Variants in NR5A2 observed in about 807,000 individuals in gnomAD.
NR5A2 encodes the protein CYP7A promoter-binding factor.
In NR5A2, 26 loss-of-function variants were observed where a neutral mutation model predicts 62.7. That is an observed-to-expected ratio of 0.41 (90% confidence interval 0.30 to 0.58). NR5A2 has a LOEUF of 0.58. NR5A2 is among the 20% of genes least tolerant of loss of function. NR5A2 has a pLI of 0.22. For missense variants in NR5A2, 541 were observed against 669.1 expected (o/e 0.81, Z 2.11); for synonymous variants, 246 against 241.7 (o/e 1.02, Z -0.16).
chr1:200,137,509 C>T (rs1241471926), intron 7 of NR5A2, among the ~76,000 whole-genome samples: 2 of 151,994 alleles, frequency 1.3e-5, no homozygotes, highest in African/African-American at 4.8e-5. Flanking sequence ...TGTCTAAATT[C>T]CTATCCTCTT....
chr1:200,066,588 C>CTTTTTTTTTTTTTTTTTTTTTTTT (rs756874909), intron 5 of NR5A2, among the ~76,000 whole-genome samples: 3 of 113,144 alleles, frequency 2.7e-5, no homozygotes, highest in Middle Eastern at 5.1e-3. Context: ...AATTAATTAT[C>CTTTTTTTTTTTTTTTTTTTTTTTT]TTTTTTTTTT....
chr1:200,150,889 G>T (rs891124241), intron 7 of NR5A2, among the ~76,000 whole-genome samples: 1 of 152,138 alleles, frequency 6.6e-6, no homozygotes, highest in Non-Finnish European at 1.5e-5. Context: ...CAGCCTAATC[G>T]CCTCTTCACT....
At chr1:200,031,351 AAAAT>A (rs1235953165) in intron 1 of NR5A2, among the ~76,000 whole-genome samples, 2 of 152,150 alleles carry the variant, frequency 1.3e-5, no homozygotes, top group African/African-American at 2.4e-5. Context: ...AAAAAATAAA[AAAAT>A]AAATAATTAG....
chr1:200,048,849 C>G lies in NR5A2; in HGVS notation c.1110+31C>G. On this transcript the variant is annotated intron_variant, in intron 5 of 7. Coordinates refer to ENST00000367362, the MANE Select transcript of NR5A2 (RefSeq NM_205860.3). This position sits in a 1 kb window ranked among gnomAD's most constrained non-coding sequence, Gnocchi z 4.8. ...CCACCAGCTATTACAACTTACAGCA[C>G]CCCTTTTAAGAGAGACCTAACTATG... 1.2e-6 allele frequency: 2 copies of G among 1,608,770 alleles called. No homozygotes were observed. Among genetic ancestry groups the G allele is most frequent in the South Asian group, 2.2e-5 (2 of 90,906 alleles).
At chr1:200,035,970 C>T (rs555281237) in intron 1 of NR5A2, among the ~76,000 whole-genome samples, 1 of 152,270 alleles carries the variant, frequency 6.6e-6, no homozygotes, top group Admixed American at 6.5e-5. Flanking sequence ...CTGGTCTCCG[C>T]CACCAGTTAC....
At chr1:200,088,120 G>T (rs1015276773) in intron 5 of NR5A2, among the ~76,000 whole-genome samples, 1 of 152,164 alleles carries the variant, frequency 6.6e-6, no homozygotes, top group African/African-American at 2.4e-5. Flanking sequence ...GCCCAGGCTG[G>T]TCTTGAACTC....
At position 200,169,461 on chromosome 1, in the gene NR5A2, G is replaced by C. The variant is rs537308753; in HGVS notation, c.1379-4502G>C. On this transcript the variant is annotated intron_variant, in intron 7 of 7. Coordinates refer to ENST00000367362, the MANE Select transcript of NR5A2 (RefSeq NM_205860.3). The stretch of plus-strand genomic sequence containing the variant: ...CAAGGTTTATAGGCTGCACCATTAT[G>C]GCAGCTACCAGGGAGGCAGAGAAGA... 3.3e-5 allele frequency among the ~76,000 whole-genome samples: 5 copies of C among 152,284 alleles called. No individual in the cohort carries two copies. In the South Asian group the frequency reaches 1.0e-3, roughly 32 times the overall value.
chr1:200,053,147 C>T (rs1662736298), intron 5 of NR5A2, among the ~76,000 whole-genome samples: 1 of 152,102 alleles, frequency 6.6e-6, no homozygotes, highest in Non-Finnish European at 1.5e-5. Flanking sequence ...TACAACTCCC[C>T]AACTCTCATA....
intron 1 of NR5A2, chr1:200,029,181 A>C (rs541261289): frequency 1.9e-5 from 7 of 377,230 alleles, no homozygotes; most frequent in South Asian, 1.3e-4. Flanking sequence ...CCGGGGCCGC[A>C]GCTAGAGCGC....
chr1:200,173,862 T>A, intron 7 of NR5A2, 101 bp from the exon 8 acceptor site: 1 of 1,239,798 alleles, frequency 8.1e-7, no homozygotes, highest in Non-Finnish European at 1.1e-6. Flanking sequence ...TATGTTTATG[T>A]CAAAAGGAAA....
chr1:200,089,411 C>T (rs1212888871), intron 5 of NR5A2, among the ~76,000 whole-genome samples: 7 of 152,106 alleles, frequency 4.6e-5, no homozygotes, highest in Non-Finnish European at 1.0e-4. Flanking sequence ...TCCGCCTCAG[C>T]CTCCCAAAAT....
intron 5 of NR5A2, among the ~76,000 whole-genome samples, chr1:200,068,191 G>A (rs917421461): frequency 7.9e-5 from 12 of 152,106 alleles, no homozygotes; most frequent in Admixed American, 3.3e-4. Context: ...TTCTATAGTA[G>A]CACAAGAATC....
Position 200,175,977 on chromosome 1 carries a change from C to T in NR5A2, c.*1767C>T, listed in dbSNP as rs998482051. 1 of 152,544 alleles carries T rather than the reference C, an allele frequency of 6.6e-6. No individual in the cohort carries two copies. Among genetic ancestry groups the T allele is most frequent in the Non-Finnish European group, 1.5e-5 (1 of 68,008 alleles). 9.4% of individuals were successfully genotyped at this position (152,544 alleles called of 1,614,324 possible). ...GCTAATTTATTGTTTCTTGGTTTCA[C>T]CTTTGTATAAGATATAGCCAAGACT... On this transcript the variant is annotated 3_prime_UTR_variant, in exon 8 of 8. Coordinates refer to ENST00000367362, the MANE Select transcript of NR5A2 (RefSeq NM_205860.3).
intron 3 of NR5A2, 97 bp from the exon 4 acceptor site, chr1:200,045,338 AAATAGTGC>A (rs1195649357): frequency 2.0e-6 from 2 of 1,020,112 alleles, no homozygotes; most frequent in East Asian, 5.4e-5. Context: ...ATAAGGGCTC[AAATAGTGC>A]AATGAGAGGA....
chr1:200,124,757 A>G (rs1666630026), intron 7 of NR5A2, among the ~76,000 whole-genome samples: 1 of 152,066 alleles, frequency 6.6e-6, no homozygotes, highest in Admixed American at 6.6e-5. Flanking sequence ...TGGGCAACAT[A>G]GGGAGACCCC....
intron 5 of NR5A2, among the ~76,000 whole-genome samples, chr1:200,098,460 T>C (rs1665202707): frequency 6.6e-6 from 1 of 152,246 alleles, no homozygotes; most frequent in Admixed American, 6.5e-5. Flanking sequence ...GGCAATATTA[T>C]ATTTTAAAAA....
At chr1:200,124,622 C>T (rs1162520321) in intron 7 of NR5A2, among the ~76,000 whole-genome samples, 1 of 152,144 alleles carries the variant, frequency 6.6e-6, no homozygotes, top group African/African-American at 2.4e-5. Flanking sequence ...ATAGTAGGGA[C>T]TTACAAAATG....
At chr1:200,071,966 A>G (rs1663757439) in intron 5 of NR5A2, among the ~76,000 whole-genome samples, 1 of 152,208 alleles carries the variant, frequency 6.6e-6, no homozygotes, top group African/African-American at 2.4e-5. Flanking sequence ...TAAAGAACAG[A>G]TAGATATGGA....
intron 5 of NR5A2, among the ~76,000 whole-genome samples, chr1:200,086,398 G>T (rs1435433226): frequency 6.6e-6 from 1 of 152,062 alleles, no homozygotes; most frequent in African/African-American, 2.4e-5. Context: ...CTGCCTCCTG[G>T]GTTCAAGCTA....
Sources: gnomAD v4.1 joint callset for allele counts (sites outside exome capture counted in the v4.1 genomes callset) on GRCh38, gnomAD v4.1.1 for gene constraint, Gnocchi (gnomAD v3.1) non-coding constraint, MANE v1.5 for transcripts, NCBI Gene and HGNC (gene_info 2026-07-23, HGNC 2026-07-21) for gene names.